JADE1: variants seen among roughly 807,000 people sequenced by gnomAD.
JADE1 encodes protein Jade-1.
In JADE1, 14 loss-of-function variants were observed where a neutral mutation model predicts 81.8. That is an observed-to-expected ratio of 0.17 (90% CI 0.11 to 0.27). The LOEUF (loss-of-function observed/expected upper bound fraction) is 0.27. JADE1 is among the 10% of genes least tolerant of loss of function. JADE1 has a pLI of 1.00. For missense variants in JADE1, 690 were observed against 1,047.9 expected (o/e 0.66, Z 4.71); for synonymous variants, 353 against 391.9 (o/e 0.90, Z 1.17).
rs1560788997 is a variant in JADE1, at chr4:128,873,291, A to AG, written c.*1030dup. Reference sequence around the variant, plus strand: ...AAAAAAAGAAAAAAAGAAAAAAAAAAGAAAAAAGAAAAAAAGAGAAAAAAG... The same window carrying AG: ...AAAAAAAGAAAAAAAGAAAAAAAAAAGGAAAAAAGAAAAAAAGAGAAAAAAG... On this transcript the variant is annotated 3_prime_UTR_variant, in exon 11 of 11. Coordinates refer to ENST00000226319, the MANE Select transcript of JADE1 (RefSeq NM_199320.4). The AG allele has an allele frequency of 6.8e-6, 1 of 147,060 alleles. No homozygotes were observed. The highest frequency in any genetic ancestry group is 1.5e-5 in the Non-Finnish European group (1 of 67,740). The allele number at this position is 147,060 out of a possible 1,614,324, so 9.1% of individuals were successfully genotyped here.
chr4:128,874,693 C>G lies in JADE1; in HGVS notation c.*2431C>G, dbSNP rs1278652124. Reference sequence around the variant, plus strand: ...CCATAAGCAGCAACCAGCCCAAACACCCACTTGCGTTCTATTAGTATGGAA... The same window carrying G: ...CCATAAGCAGCAACCAGCCCAAACAGCCACTTGCGTTCTATTAGTATGGAA... On this transcript the variant is annotated 3_prime_UTR_variant, in exon 11 of 11. Transcript: ENST00000226319. The G allele has an allele frequency of 6.6e-6, 1 of 152,550 alleles. No individual in the cohort carries two copies. Among genetic ancestry groups the G allele is most frequent in the Non-Finnish European group, 1.5e-5 (1 of 68,020 alleles). The allele number at this position is 152,550 out of a possible 1,614,324, so 9.4% of individuals were successfully genotyped here.
intron 2 of JADE1, among the ~76,000 whole-genome samples, chr4:128,840,464 G>A (rs1426551300): frequency 6.6e-6 from 1 of 152,138 alleles, no homozygotes; most frequent in Admixed American, 6.5e-5. Flanking sequence ...AGCAGAGGAG[G>A]ACCATCCCTT....
At chr4:128,821,740 C>T (rs962575959) in intron 1 of JADE1, among the ~76,000 whole-genome samples, 1 of 152,116 alleles carries the variant, frequency 6.6e-6, no homozygotes, top group South Asian at 2.1e-4. Context: ...AGGCTGGTCT[C>T]GAGCTCCTGA....
chr4:128,863,993 T>A, intron 9 of JADE1: 1 of 985,314 alleles, frequency 1.0e-6, no homozygotes, highest in Non-Finnish European at 1.2e-6. Flanking sequence ...TTCTAAACAT[T>A]TTTTTTGGAG....
chr4:128,858,343 T>C (rs550153284), intron 8 of JADE1, among the ~76,000 whole-genome samples: 1 of 152,162 alleles, frequency 6.6e-6, no homozygotes, highest in East Asian at 1.9e-4. Flanking sequence ...GTGTGGCTGA[T>C]GGGGGCCCTT....
intron 5 of JADE1, among the ~76,000 whole-genome samples, chr4:128,851,475 A>G (rs754676357): frequency 1.3e-4 from 20 of 152,224 alleles, no homozygotes; most frequent in Non-Finnish European, 1.5e-4. Context: ...CAATGTATGT[A>G]TTTAATATCC....
At chr4:128,827,844 T>A in intron 1 of JADE1, 1 of 983,856 alleles carries the variant, frequency 1.0e-6, no homozygotes, top group Non-Finnish European at 1.2e-6. Context: ...CAATTGGCTA[T>A]AAGGTGAGAA....
chr4:128,830,416 T>C (rs1728454472), intron 1 of JADE1, among the ~76,000 whole-genome samples: 1 of 152,064 alleles, frequency 6.6e-6, no homozygotes, highest in Non-Finnish European at 1.5e-5. Flanking sequence ...ATATTTTTAG[T>C]AGAGACGGAG....
At chr4:128,832,275 T>C (rs928419762) in intron 2 of JADE1, among the ~76,000 whole-genome samples, 2 of 152,242 alleles carry the variant, frequency 1.3e-5, no homozygotes, top group East Asian at 1.9e-4. Context: ...GGTTTTAATG[T>C]GACTATATTG....
intron 8 of JADE1, among the ~76,000 whole-genome samples, chr4:128,859,577 ATGTG>A (rs1313048715): frequency 6.6e-6 from 1 of 151,438 alleles, no homozygotes; most frequent in Non-Finnish European, 1.5e-5. Context: ...GTATGCGTGT[ATGTG>A]TGAGTGTGCA....
intron 1 of JADE1, among the ~76,000 whole-genome samples, chr4:128,817,440 T>C (rs983510097): frequency 6.6e-6 from 1 of 152,192 alleles, no homozygotes; most frequent in African/African-American, 2.4e-5. Flanking sequence ...AAGGACTTAC[T>C]TTAAGTGAAG....
chr4:128,820,081 T>A lies in JADE1; in HGVS notation c.-27+10204T>A, dbSNP rs112587717. ...TTTGAAATCCTCTCTAGCTCTGCAG[T>A]TAATTATGATTTTATGGGTTTCTTT... is the stretch of plus-strand genomic sequence containing the variant. On this transcript the variant is annotated intron_variant, in intron 1 of 10. Transcript: ENST00000226319. 1.5e-3 allele frequency among the ~76,000 whole-genome samples: 221 copies of A among 151,890 alleles called. 2 individuals carry two copies. The highest frequency in any genetic ancestry group is 5.1e-3 in the African/African-American group (211 of 41,558).
chr4:128,818,931 T>C (rs1727297745), intron 1 of JADE1, among the ~76,000 whole-genome samples: 2 of 151,488 alleles, frequency 1.3e-5, no homozygotes, highest in South Asian at 2.1e-4. Flanking sequence ...CAGGGCTCAC[T>C]TGATCCTCCC....
chr4:128,840,430 ATAACCTTTTCCATAG>A (rs1303118759), intron 2 of JADE1, among the ~76,000 whole-genome samples: 2 of 152,232 alleles, frequency 1.3e-5, no homozygotes, highest in Non-Finnish European at 2.9e-5. Flanking sequence ...CTTATCATTT[ATAACCTTTTCCATAG>A]TAATTCAAAG....
At chr4:128,812,359 C>T (rs559572043) in intron 1 of JADE1, among the ~76,000 whole-genome samples, 1 of 151,322 alleles carries the variant, frequency 6.6e-6, no homozygotes, top group African/African-American at 2.4e-5. Flanking sequence ...GGAACCGCGG[C>T]CCTGCGCATT....
intron 9 of JADE1, chr4:128,863,341 A>C: frequency 9.1e-6 from 9 of 985,518 alleles, no homozygotes; most frequent in Non-Finnish European, 9.6e-6. Context: ...TTAGTGTGAA[A>C]GAGGTGGGAG....
At chr4:128,819,893 G>A (rs550483728) in intron 1 of JADE1, among the ~76,000 whole-genome samples, 1 of 152,310 alleles carries the variant, frequency 6.6e-6, no homozygotes, top group Non-Finnish European at 1.5e-5. Flanking sequence ...GCTGGCACAG[G>A]AGGAGAGTGC....
chr4:128,824,246 G>A (rs1266484563), intron 1 of JADE1, among the ~76,000 whole-genome samples: 1 of 151,868 alleles, frequency 6.6e-6, no homozygotes, highest in East Asian at 1.9e-4. Context: ...GTGAAACCCC[G>A]TCTCTACTAA....
chr4:128,852,907 C>G (rs2125870243), intron 6 of JADE1, among the ~76,000 whole-genome samples: 1 of 151,800 alleles, frequency 6.6e-6, no homozygotes, highest in African/African-American at 2.4e-5. Flanking sequence ...TCTGTCTTCA[C>G]ATGGTGGTCT....
Sources: allele counts gnomAD v4.1 joint callset (sites outside exome capture counted in the v4.1 genomes callset), GRCh38; gene constraint gnomAD v4.1.1; transcripts MANE v1.5; gene names NCBI Gene and HGNC (gene_info 2026-07-23, HGNC 2026-07-21).